FOXN1: variants seen among roughly 807,000 people sequenced by gnomAD.
FOXN1 encodes the protein forkhead box protein N1.
FOXN1 carries 15 observed loss-of-function variants against 49.0 expected under a neutral mutation model. That is an observed-to-expected ratio of 0.31 (90% CI 0.20 to 0.47). The LOEUF (loss-of-function observed/expected upper bound fraction) is 0.47. Ranked by LOEUF, FOXN1 falls within the 20% of genes least tolerant of loss-of-function variation. FOXN1 has a pLI of 1.00. For missense variants in FOXN1, 800 were observed against 842.8 expected, an observed-to-expected ratio of 0.95 and a Z score of 0.63; for synonymous variants, 356 against 369.0, an observed-to-expected ratio of 0.96 and a Z score of 0.40.
chr17:28,508,293 C>T (rs117812032), intron 1 of FOXN1, among the ~76,000 whole-genome samples: 214 of 152,316 alleles, frequency 1.4e-3, no homozygotes, highest in Non-Finnish European at 2.3e-3. Flanking sequence ...GCACTGACGC[C>T]ACATTGCCTC....
Position 28,537,505 on chromosome 17 carries a change from G to C in FOXN1, c.*69G>C, listed in dbSNP as rs2070102175. 1 of 1,272,006 alleles carries C rather than the reference G, an allele frequency of 7.9e-7. No homozygotes were observed. Among genetic ancestry groups the C allele is most frequent in the Non-Finnish European group, 1.1e-6 (1 of 875,664 alleles). 78.8% of individuals were successfully genotyped at this position (1,272,006 alleles called of 1,614,324 possible). ...AGTCCTGGCCGGCCGCCCACATCGG[G>C]CTCACCTTAAAGGTCAAGGAAGGAA... On this transcript the variant is annotated 3_prime_UTR_variant, in exon 9 of 9. Transcript: ENST00000579795.
intron 1 of FOXN1, among the ~76,000 whole-genome samples, chr17:28,516,133 A>ACC (rs1567872722): frequency 7.0e-6 from 1 of 142,350 alleles, no homozygotes. Context: ...GGATCCTTAC[A>ACC]TCCACAGGGT....
chr17:28,515,950 G>T (rs1412050993), intron 1 of FOXN1, among the ~76,000 whole-genome samples: 1 of 151,542 alleles, frequency 6.6e-6, no homozygotes, highest in African/African-American at 2.4e-5. Context: ...CTCCTCAACA[G>T]GTGTACACCC....
chr17:28,528,931 A>AC (rs1334222645), intron 4 of FOXN1, among the ~76,000 whole-genome samples, 163 bp from the exon 5 acceptor site: 1 of 139,938 alleles, frequency 7.1e-6, no homozygotes, highest in African/African-American at 2.7e-5. Flanking sequence ...GGATCTCCTC[A>AC]CAGCCCCTCA....
chr17:28,527,371 G>T lies in FOXN1; in HGVS notation c.699+10G>T. On this transcript the variant is annotated intron_variant, in intron 4 of 8. Coordinates refer to ENST00000579795, the MANE Select transcript of FOXN1 (RefSeq NM_001369369.1). ...GCCCCCCTTCCACCAGGTGGGTCTGGGGCAAGTGGGCCTGCTTCCCCCAGG... is the reference window on the plus strand; with the variant it reads ...GCCCCCCTTCCACCAGGTGGGTCTGTGGCAAGTGGGCCTGCTTCCCCCAGG... 6.6e-7 allele frequency: 1 copy of T among 1,524,498 alleles called. No homozygotes were observed. The highest frequency in any genetic ancestry group is 9.1e-7 in the Non-Finnish European group (1 of 1,100,058). The allele number at this position is 1,524,498 out of a possible 1,614,324, so 94.4% of individuals were successfully genotyped here. A position where few individuals can be genotyped will look rare whatever the true frequency, so the allele number is the denominator to read the frequency against.
At position 28,537,243 on chromosome 17, in the gene FOXN1, C is replaced by T. The variant is rs2070091670; in HGVS notation, c.1754C>T (p.Pro585Leu). 6.2e-7 allele frequency: 1 copy of T among 1,613,954 alleles called. No individual in the cohort carries two copies. Residue 585 changes from proline to leucine, a missense_variant, in exon 9 of 9, where the codon CCC (proline) becomes CTC (leucine). This residue lies in a region of FOXN1 where 344 missense variants were observed against 366.1 expected (regional missense o/e 0.94). Coordinates refer to ENST00000579795, the MANE Select transcript of FOXN1 (RefSeq NM_001369369.1). Reference sequence around the variant, plus strand: ...CCACCTCACTGCTTCCCCCCTGGGCCCTGTCTGACAGAGACAGGCAGTGGG... The same window carrying T: ...CCACCTCACTGCTTCCCCCCTGGGCTCTGTCTGACAGAGACAGGCAGTGGG... ...QPPPHCFPPG[P>L]CLTETGSGAG... is the part of the protein sequence containing the mutation.
In FOXN1 at chr17:28,537,281, G is replaced by C; in HGVS notation, c.1792G>C (p.Ala598Pro). 6.2e-7 allele frequency: 1 copy of C among 1,613,996 alleles called. No homozygotes were observed. The highest frequency in any genetic ancestry group is 8.5e-7 in the Non-Finnish European group (1 of 1,179,984). Residue 598 changes from alanine to proline, a missense_variant, in exon 9 of 9, where the codon GCA becomes CCA. Ala to Pro is a conservative substitution (Grantham distance 27). Transcript: ENST00000579795. ...TETGSGAGDL[A>P]APGSGGSGAL... is the part of the protein sequence containing the mutation. ...GACAGGCAGTGGGGCAGGTGACTTG[G>C]CAGCCCCGGGCAGTGGTGGCTCCGG...
At chr17:28,509,790 G>A (rs1275685683) in intron 1 of FOXN1, among the ~76,000 whole-genome samples, 1 of 152,264 alleles carries the variant, frequency 6.6e-6, no homozygotes, top group African/African-American at 2.4e-5. Context: ...GCGGGGCCGG[G>A]GCAGGCTTTC....
rs1204063602 is a variant in FOXN1 at position 28,538,770 on chromosome 17, C to T, written c.*1334C>T. ...CCATCGAGGGGGAACCTCAGCCCAC[C>T]CTGGGCCTGGGGGTGACAAGAACTT... On this transcript the variant is annotated 3_prime_UTR_variant, in exon 9 of 9. Transcript: ENST00000579795. 1 of 152,280 alleles carries T rather than the reference C, an allele frequency of 6.6e-6. No individual in the cohort carries two copies. The highest frequency in any genetic ancestry group is 2.4e-5 in the African/African-American group (1 of 41,458). The allele number at this position is 152,280 out of a possible 1,614,324, so 9.4% of individuals were successfully genotyped here. A position where few individuals can be genotyped will look rare whatever the true frequency, so the allele number is the denominator to read the frequency against.
chr17:28,536,154 G>A (rs1003419551), intron 8 of FOXN1, among the ~76,000 whole-genome samples: 1 of 152,218 alleles, frequency 6.6e-6, no homozygotes, highest in African/African-American at 2.4e-5. Context: ...CAAGCTGATG[G>A]AGGCAGCCTG....
Position 28,534,311 on chromosome 17 carries a change from G to A in FOXN1, c.928-20G>A. 1.2e-6 allele frequency: 2 copies of A among 1,614,112 alleles called. No individual in the cohort carries two copies. The highest frequency in any genetic ancestry group is 1.7e-6 in the Non-Finnish European group (2 of 1,180,016). ...CTTCCTGAGCCTGGCCTGAATGCTT[G>A]TCTTGCTCTGTTCCGGCAGACAGCA... On this transcript the variant is annotated intron_variant, in intron 6 of 8. Transcript: ENST00000579795. This position sits in a 1 kb window ranked among gnomAD's most constrained non-coding sequence, Gnocchi z 4.1.
chr17:28,508,269 T>G (rs1555606435), intron 1 of FOXN1, among the ~76,000 whole-genome samples: 1 of 152,156 alleles, frequency 6.6e-6, no homozygotes, highest in East Asian at 1.9e-4. Context: ...GCTCCCCAGC[T>G]TTGTCTCATC....
chr17:28,528,793 G>T (rs57293524), intron 4 of FOXN1, among the ~76,000 whole-genome samples: 1 of 152,278 alleles, frequency 6.6e-6, no homozygotes, highest in Non-Finnish European at 1.5e-5. Flanking sequence ...TGCAGGGGCC[G>T]AGGGCTTCAC....
At chr17:28,511,238 A>ACTAAATCT (rs2069390524) in intron 1 of FOXN1, among the ~76,000 whole-genome samples, 1 of 152,230 alleles carries the variant, frequency 6.6e-6, no homozygotes, top group African/African-American at 2.4e-5. Context: ...GAGGTGCACC[A>ACTAAATCT]GTATGTATTT....
chr17:28,509,946 C>T (rs2151473405), intron 1 of FOXN1, among the ~76,000 whole-genome samples: 1 of 152,294 alleles, frequency 6.6e-6, no homozygotes, highest in South Asian at 2.1e-4. Context: ...GCTTAGTCAG[C>T]TCAGATTAAT....
chr17:28,510,586 A>ACACG (rs1391541295), intron 1 of FOXN1, among the ~76,000 whole-genome samples: 3 of 88,076 alleles, frequency 3.4e-5, no homozygotes, highest in Non-Finnish European at 6.9e-5. Flanking sequence ...ACACGCACAC[A>ACACG]CACACACACA....
intron 6 of FOXN1, among the ~76,000 whole-genome samples, chr17:28,531,967 G>A (rs934398440): frequency 1.3e-5 from 2 of 152,098 alleles, no homozygotes; most frequent in Admixed American, 6.5e-5. Flanking sequence ...AAGAGGGAGG[G>A]AGGTGAGTCG....
In FOXN1 at chr17:28,537,295, T is replaced by C. The variant is rs1022941743; in HGVS notation, c.1806T>C (p.Ser602=). The C allele has an allele frequency of 1.2e-6, 2 of 1,613,740 alleles. No individual in the cohort carries two copies. Among genetic ancestry groups the C allele is most frequent in the African/African-American group, 2.7e-5 (2 of 74,892 alleles). Reference sequence around the variant, plus strand: ...CAGGTGACTTGGCAGCCCCGGGCAGTGGTGGCTCCGGGGCACTGGGTGACC... The same window carrying C: ...CAGGTGACTTGGCAGCCCCGGGCAGCGGTGGCTCCGGGGCACTGGGTGACC... The part of the protein sequence containing the change: ...SGAGDLAAPG[S]GGSGALGDLH... The change falls in exon 9 of 9, where the codon AGT becomes AGC. Residue 602 remains serine, a synonymous_variant. Coordinates refer to ENST00000579795, the MANE Select transcript of FOXN1 (RefSeq NM_001369369.1).
intron 6 of FOXN1, among the ~76,000 whole-genome samples, chr17:28,531,257 C>G (rs937132498): frequency 1.3e-5 from 2 of 152,124 alleles, no homozygotes; most frequent in Admixed American, 6.5e-5. Flanking sequence ...ACTGGGAGGT[C>G]GGGGCTGAAG....
Sources: gnomAD v4.1 joint callset for allele counts (sites outside exome capture counted in the v4.1 genomes callset) on GRCh38, gnomAD v4.1.1 for gene constraint, gnomAD v4.1.1 regional missense constraint, Gnocchi (gnomAD v3.1) non-coding constraint, MANE v1.5 for transcripts, NCBI Gene and HGNC (gene_info 2026-07-23, HGNC 2026-07-21) for gene names.